The following RNF150 variants were observed in gnomAD, a reference collection of about 807,000 sequenced individuals.
The protein encoded by RNF150 is ring finger protein 150.
In RNF150, 24 loss-of-function variants were observed where a neutral mutation model predicts 39.3. That is an observed-to-expected ratio of 0.61 (90% CI 0.44 to 0.86). RNF150 has a LOEUF of 0.86. Among genes scored for constraint, RNF150 ranks in the 40% least tolerant of loss-of-function variants. The probability of loss-of-function intolerance (pLI) is 0.00; values close to 1 mark genes in which losing one functional copy is unlikely to be tolerated. For missense variants in RNF150, 502 were observed against 587.8 expected (o/e 0.85, Z 1.51); for synonymous variants, 255 against 227.3 (o/e 1.12, Z -1.10).
chr4:141,010,247 T>G (rs1735026681), intron 1 of RNF150, among the ~76,000 whole-genome samples: 2 of 152,344 alleles, frequency 1.3e-5, no homozygotes, highest in Non-Finnish European at 2.9e-5. Context: ...TTAAAAGCTG[T>G]AGTTGCCTTA....
At chr4:141,013,613 A>C (rs1735154557) in intron 1 of RNF150, among the ~76,000 whole-genome samples, 1 of 152,130 alleles carries the variant, frequency 6.6e-6, no homozygotes. Flanking sequence ...TCTCTGAGGA[A>C]GTTTTTGTTT....
chr4:141,175,271 T>C (rs533509150), intron 1 of RNF150, among the ~76,000 whole-genome samples: 1 of 152,358 alleles, frequency 6.6e-6, no homozygotes, highest in African/African-American at 2.4e-5. Context: ...TGAGCTCCTA[T>C]TATATTACCA....
At chr4:141,138,976 G>A (rs562597591) in intron 1 of RNF150, among the ~76,000 whole-genome samples, 1 of 152,242 alleles carries the variant, frequency 6.6e-6, no homozygotes, top group Admixed American at 6.5e-5. Flanking sequence ...AGGTGGAAGC[G>A]GGAGGATTGC....
At chr4:140,945,087 C>T (rs984302607) in intron 4 of RNF150, among the ~76,000 whole-genome samples, 3 of 152,012 alleles carry the variant, frequency 2.0e-5, no homozygotes, top group African/African-American at 7.2e-5. Flanking sequence ...TGCTCAAATG[C>T]ATTTTGTTAT....
rs1737663713 is a variant in RNF150, at chr4:141,070,769, T to TTTA, written c.484+61553_484+61555dup. Among the ~76,000 whole-genome samples the TTTA allele has an allele frequency of 4.8e-5, 7 of 145,136 alleles. No homozygotes were observed. In the South Asian group the frequency reaches 1.6e-3, roughly 33 times the overall value. On this transcript the variant is annotated intron_variant, in intron 1 of 6. Transcript: ENST00000515673. ...GAGGATGTGGAGAAATAGGAACACT[T>TTTA]TTACACTGTTGGTGGGACTGTAAAC...
intron 5 of RNF150, among the ~76,000 whole-genome samples, chr4:140,921,252 T>C (rs1283096682): frequency 6.6e-6 from 1 of 150,512 alleles, no homozygotes; most frequent in African/African-American, 2.4e-5. Context: ...GAGAGAAGAA[T>C]CAAATAGACA....
chr4:141,069,777 G>T (rs1272941564), intron 1 of RNF150, among the ~76,000 whole-genome samples: 4 of 151,910 alleles, frequency 2.6e-5, no homozygotes, highest in African/African-American at 9.7e-5. Context: ...CTTCTTCCTG[G>T]TTTAGTCTTG....
chr4:141,179,086 G>T (rs949705025), intron 1 of RNF150, among the ~76,000 whole-genome samples: 4 of 152,032 alleles, frequency 2.6e-5, no homozygotes, highest in African/African-American at 9.7e-5. Context: ...AGAATATAAT[G>T]CATTATTATA....
chr4:140,890,292 T>A (rs988430709), intron 6 of RNF150, among the ~76,000 whole-genome samples: 2 of 152,168 alleles, frequency 1.3e-5, no homozygotes, highest in Admixed American at 1.3e-4. Flanking sequence ...TTAATTCTTG[T>A]TAACTGCTAC....
intron 1 of RNF150, among the ~76,000 whole-genome samples, chr4:141,182,833 T>C (rs1333862539): frequency 7.3e-6 from 1 of 137,152 alleles, no homozygotes. Flanking sequence ...AAAACTACTT[T>C]AAAGTTCATA....
chr4:141,087,175 G>A (rs925008378), intron 1 of RNF150, among the ~76,000 whole-genome samples: 1 of 151,788 alleles, frequency 6.6e-6, no homozygotes, highest in Admixed American at 6.6e-5. Flanking sequence ...GTTGTCTGTT[G>A]TTGCCTTGCG....
At chr4:140,896,979 A>G (rs1007531956) in intron 6 of RNF150, among the ~76,000 whole-genome samples, 4 of 152,176 alleles carry the variant, frequency 2.6e-5, no homozygotes, top group African/African-American at 7.2e-5. Context: ...GGCATGACTA[A>G]GTAAAAACCT....
intron 1 of RNF150, among the ~76,000 whole-genome samples, chr4:141,009,218 T>C (rs971226033): frequency 5.9e-5 from 9 of 152,242 alleles, no homozygotes; most frequent in Non-Finnish European, 1.2e-4. Context: ...GACTAACATA[T>C]GCTTATATTT....
intron 1 of RNF150, among the ~76,000 whole-genome samples, chr4:141,074,856 T>C (rs916718488): frequency 6.6e-6 from 1 of 152,192 alleles, no homozygotes; most frequent in Non-Finnish European, 1.5e-5. Context: ...ATTAGGTTTA[T>C]CCAGTTAACC....
intron 1 of RNF150, among the ~76,000 whole-genome samples, chr4:141,023,695 T>C (rs541340899): frequency 3.5e-4 from 54 of 152,360 alleles, no homozygotes; most frequent in African/African-American, 1.3e-3. Context: ...ATACTTTCAA[T>C]GCATCATCCA....
At chr4:141,155,252 A>ATTTTTTTT (rs70946798) in intron 1 of RNF150, among the ~76,000 whole-genome samples, 9 of 126,382 alleles carry the variant, frequency 7.1e-5, no homozygotes, top group African/African-American at 6.0e-5. Flanking sequence ...CACCCGGCTG[A>ATTTTTTTT]TTTTTTTTTT....
rs1728749613 is a variant in RNF150, at chr4:140,867,337, G to A, written c.*924C>T. 6.6e-6 allele frequency: 1 copy of A among 152,210 alleles called. No homozygotes were observed. Among genetic ancestry groups the A allele is most frequent in the Admixed American group, 6.5e-5 (1 of 15,276 alleles). 9.4% of individuals were successfully genotyped at this position (152,210 alleles called of 1,614,324 possible). A position where few individuals can be genotyped will look rare whatever the true frequency, so the allele number is the denominator to read the frequency against. The stretch of plus-strand genomic sequence containing the variant: ...CTGTTCTAGCCCAGGGGAAACCAAT[G>A]CAACTGGCATTTTGTTTTCAATAGG... On this transcript the variant is annotated 3_prime_UTR_variant, in exon 7 of 7. Transcript: ENST00000515673.
At chr4:141,141,369 CT>C (rs140782100) in intron 1 of RNF150, among the ~76,000 whole-genome samples, 5,527 of 152,256 alleles carry the variant, frequency 0.036, 126 homozygotes, top group South Asian at 0.061. Flanking sequence ...GTTACTGTTG[CT>C]GCTAGGCTTG....
chr4:141,208,204 A>C (rs975758663), intron 1 of RNF150, among the ~76,000 whole-genome samples: 7 of 152,190 alleles, frequency 4.6e-5, no homozygotes, highest in African/African-American at 1.7e-4. Context: ...ATCTCATGTG[A>C]CTGCCTCTCA....
Sources: allele counts gnomAD v4.1 joint callset (sites outside exome capture counted in the v4.1 genomes callset), GRCh38; gene constraint gnomAD v4.1.1; transcripts MANE v1.5; gene names NCBI Gene and HGNC (gene_info 2026-07-23, HGNC 2026-07-21).